Variants in CPS1 observed in about 807,000 individuals in gnomAD.
CPS1 encodes carbamoyl-phosphate synthase [ammonia], mitochondrial.
In CPS1, 109 loss-of-function variants were observed where a neutral mutation model predicts 174.6. The ratio of observed to expected loss-of-function variants is 0.62; its 90% CI spans 0.53 to 0.73. CPS1 has a LOEUF of 0.73. Ranked by LOEUF, CPS1 falls within the 30% of genes least tolerant of loss-of-function variation. CPS1 has a pLI of 0.00. For synonymous variants in CPS1, 637 were observed against 632.0 expected (o/e 1.01, Z -0.12); for missense variants, 1,689 against 1,821.9 (o/e 0.93, Z 1.33).
chr2:210,551,669 T>C (rs537943699), upstream of CPS1, among the ~76,000 whole-genome samples: 6 of 152,086 alleles, frequency 3.9e-5, no homozygotes, highest in African/African-American at 1.2e-4. Flanking sequence ...TTTTTCACCT[T>C]CTTTTGTATC....
chr2:210,525,984 G>A (rs1317662436), intron 1 of CPS1, among the ~76,000 whole-genome samples: 1 of 151,870 alleles, frequency 6.6e-6, no homozygotes, highest in Non-Finnish European at 1.5e-5. Context: ...CTGCAATGAA[G>A]AGTCCACTGG....
At chr2:210,648,143 A>G (rs1163227042) in intron 26 of CPS1, 86 bp downstream of exon 26, 15 of 1,344,286 alleles carry the variant, frequency 1.1e-5, no homozygotes, top group Non-Finnish European at 1.1e-6. Context: ...ACTATTGGAT[A>G]TGTTAACTAC....
chr2:210,634,365 G>C (rs1699967396), intron 21 of CPS1, among the ~76,000 whole-genome samples: 1 of 152,196 alleles, frequency 6.6e-6, no homozygotes, highest in Non-Finnish European at 1.5e-5. Context: ...GGGAGGCGGA[G>C]CTTGCAGTGA....
chr2:210,621,179 C>G (rs1273099561), intron 21 of CPS1, among the ~76,000 whole-genome samples: 1 of 152,036 alleles, frequency 6.6e-6, no homozygotes, highest in Non-Finnish European at 1.5e-5. Context: ...AATTTATAGG[C>G]TGGTGTAGTA....
At chr2:210,504,644 A>G (rs1165035461) in intron 1 of CPS1, among the ~76,000 whole-genome samples, 1 of 152,238 alleles carries the variant, frequency 6.6e-6, no homozygotes, top group Admixed American at 6.5e-5. Context: ...AGTAACAAGC[A>G]AGTAAAGGAT....
chr2:210,495,151 T>G (rs977546328), intron 1 of CPS1, among the ~76,000 whole-genome samples: 4 of 152,220 alleles, frequency 2.6e-5, no homozygotes, highest in Non-Finnish European at 4.4e-5. Context: ...CCAGCCTCAA[T>G]TTTGCTACTA....
intron 21 of CPS1, among the ~76,000 whole-genome samples, chr2:210,617,313 C>T (rs1046379977): frequency 6.6e-6 from 1 of 151,882 alleles, no homozygotes; most frequent in African/African-American, 2.4e-5. Flanking sequence ...GAACTTCTTC[C>T]CTCTGAAAGC....
chr2:210,568,233 G>C (rs1010471044), intron 1 of CPS1, among the ~76,000 whole-genome samples: 2 of 152,062 alleles, frequency 1.3e-5, no homozygotes, highest in African/African-American at 4.8e-5. Context: ...AGCAGTACCA[G>C]GATGTAAAAG....
intron 6 of CPS1, among the ~76,000 whole-genome samples, chr2:210,584,227 G>A (rs190017504): frequency 1.3e-5 from 2 of 152,194 alleles, no homozygotes; most frequent in African/African-American, 4.8e-5. Context: ...TTTACATGTG[G>A]AGAATTTAGC....
intron 37 of CPS1, 149 bp downstream of exon 37, chr2:210,677,285 C>G (rs576090176): frequency 1.2e-6 from 1 of 847,764 alleles, no homozygotes; most frequent in South Asian, 1.6e-5. Flanking sequence ...AATAATGATG[C>G]TAACATGGTA....
At chr2:210,671,465 A>G (rs1701300315) in intron 34 of CPS1, 1 of 152,170 alleles carries the variant, frequency 6.6e-6, no homozygotes, top group Non-Finnish European at 1.5e-5. Context: ...GAGGAAATAT[A>G]TATATTTTTC....
chr2:210,637,706 T>A lies in CPS1; in HGVS notation c.2692T>A (p.Ser898Thr). The A allele has an allele frequency of 6.2e-7, 1 of 1,613,900 alleles. No homozygotes were observed. The highest frequency in any genetic ancestry group is 1.1e-5 in the South Asian group (1 of 91,076). Residue 898 changes from serine to threonine, a missense_variant, in exon 22 of 38, where the codon TCC becomes ACC. By Grantham distance (58) the Ser-to-Thr change is moderately conservative. Coordinates refer to ENST00000233072, the MANE Select transcript of CPS1 (RefSeq NM_001875.5). ...CTCTTTTCTATTAAATCCTAGTGAG[T>A]CCATGACAGAAGAAACCCTGAAAAG... ...EKTLKGLNSESMTEETLKRAK... is the reference protein window; with the variant it reads ...EKTLKGLNSETMTEETLKRAK...
intron 23 of CPS1, 42 bp downstream of exon 23, chr2:210,639,257 T>A: frequency 7.2e-7 from 1 of 1,381,150 alleles, no homozygotes; most frequent in Non-Finnish European, 1.0e-6. Context: ...GCTCTAGATT[T>A]CATAGACAGT....
chr2:210,656,897 G>T (rs1700725787), intron 30 of CPS1, among the ~76,000 whole-genome samples: 1 of 152,108 alleles, frequency 6.6e-6, no homozygotes. Context: ...TGGAGAGCTT[G>T]TTAAACACAT....
At chr2:210,580,725 G>T (rs1375042890) in intron 5 of CPS1, among the ~76,000 whole-genome samples, 4 of 151,792 alleles carry the variant, frequency 2.6e-5, no homozygotes, top group Non-Finnish European at 4.4e-5. Context: ...GCCAGTTATA[G>T]TGGTGCACAC....
intron 1 of CPS1, among the ~76,000 whole-genome samples, chr2:210,564,468 G>A (rs919904569): frequency 5.9e-5 from 9 of 151,676 alleles, no homozygotes; most frequent in African/African-American, 9.7e-5. Flanking sequence ...GTCCGCCTCC[G>A]GGGTTCACGC....
chr2:210,508,672 T>G (rs1209581870), intron 1 of CPS1, among the ~76,000 whole-genome samples: 1 of 151,916 alleles, frequency 6.6e-6, no homozygotes, highest in Non-Finnish European at 1.5e-5. Flanking sequence ...ATCAAATAGA[T>G]GCAATTAAAA....
intron 13 of CPS1, among the ~76,000 whole-genome samples, chr2:210,597,882 A>G (rs925945691): frequency 6.6e-6 from 1 of 151,688 alleles, no homozygotes; most frequent in African/African-American, 2.4e-5. Context: ...ACATAGTTTT[A>G]TTTCTTTTAC....
At position 210,658,763 on chromosome 2, in the gene CPS1, C is replaced by T. The variant is rs541617676; in HGVS notation, c.3756+75C>T. The T allele has an allele frequency of 4.1e-4, 457 of 1,106,420 alleles. 1 individual carries two copies. Among genetic ancestry groups the T allele is most frequent in the Middle Eastern group, 2.7e-3 (14 of 5,128 alleles). The allele number at this position is 1,106,420 out of a possible 1,614,324, so 68.5% of individuals were successfully genotyped here. A position where few individuals can be genotyped will look rare whatever the true frequency, so the allele number is the denominator to read the frequency against. On this transcript the variant is annotated intron_variant, in intron 31 of 37. Transcript: ENST00000233072. ...TGTTGGTTTGCATCTCTCTGGTAATCTTCTCTGTGAACACCAGACAAAGAG... is the reference window on the plus strand; with the variant it reads ...TGTTGGTTTGCATCTCTCTGGTAATTTTCTCTGTGAACACCAGACAAAGAG...
Sources: allele counts gnomAD v4.1 joint callset (sites outside exome capture counted in the v4.1 genomes callset), GRCh38; gene constraint gnomAD v4.1.1; transcripts MANE v1.5; gene names NCBI Gene and HGNC (gene_info 2026-07-23, HGNC 2026-07-21).